Variants in ARHGAP44 observed in about 807,000 individuals in gnomAD.
ARHGAP44 encodes the protein rho GTPase-activating protein 44.
In ARHGAP44, 43 loss-of-function variants were observed where a neutral mutation model predicts 106.8. The observed-to-expected ratio is 0.40, with a 90% CI of 0.32 to 0.52. The LOEUF (loss-of-function observed/expected upper bound fraction) is 0.52. Ranked by LOEUF, ARHGAP44 falls within the 20% of genes least tolerant of loss-of-function variation. The pLI is 0.48. For synonymous variants in ARHGAP44, 439 were observed against 410.3 expected (o/e 1.07, Z -0.85); for missense variants, 866 against 1,050.5 (o/e 0.82, Z 2.43).
rs1242070271 is a variant in ARHGAP44, at chr17:12,896,416, C to T, written c.103C>T (p.Arg35Cys). Reference protein sequence around the residue: ...LSEDLLQVEKRLELVKQVSHS... With the variant: ...LSEDLLQVEKCLELVKQVSHS... ...GCTCTTCTCTCTGCAGGTGGAGAAG[C>T]GTCTGGAGCTGGTGAAACAGGTGTC... The change falls in exon 3 of 21, where the codon CGT becomes TGT. Residue 35 changes from arginine to cysteine, a missense_variant. Physicochemically the swap from Arg to Cys is radical, Grantham distance 180. Coordinates refer to ENST00000379672, the MANE Select transcript of ARHGAP44 (RefSeq NM_014859.6). 2.5e-6 allele frequency: 4 copies of T among 1,599,834 alleles called. No individual in the cohort carries two copies. Among genetic ancestry groups the T allele is most frequent in the East Asian group, 2.3e-5 (1 of 44,166 alleles).
chr17:12,970,227 G>A (rs752677824), intron 16 of ARHGAP44, among the ~76,000 whole-genome samples: 1 of 151,960 alleles, frequency 6.6e-6, no homozygotes, highest in Non-Finnish European at 1.5e-5. Flanking sequence ...TTAGCCAGAT[G>A]TGGTGGCATG....
intron 1 of ARHGAP44, among the ~76,000 whole-genome samples, chr17:12,842,148 T>TA (rs111785464): frequency 0.21 from 29,205 of 142,300 alleles, 3,792 homozygotes; most frequent in African/African-American, 0.37. Context: ...CCACTGGGTT[T>TA]AAAAAAAAAA....
At chr17:12,919,219 T>C (rs951265658) in intron 5 of ARHGAP44, among the ~76,000 whole-genome samples, 3 of 152,128 alleles carry the variant, frequency 2.0e-5, no homozygotes, top group Non-Finnish European at 2.9e-5. Context: ...GATTTCACAA[T>C]GTGTGCATAT....
intron 1 of ARHGAP44, among the ~76,000 whole-genome samples, chr17:12,842,430 A>AG (rs1235806428): frequency 1.1e-4 from 15 of 141,658 alleles, no homozygotes; most frequent in African/African-American, 4.2e-4. Flanking sequence ...AAAAAAAAAA[A>AG]AAAGAAAGAA....
chr17:12,871,113 T>A (rs1008316972), intron 1 of ARHGAP44, among the ~76,000 whole-genome samples: 2 of 152,246 alleles, frequency 1.3e-5, no homozygotes, highest in African/African-American at 4.8e-5. Flanking sequence ...GCTCTAAAAG[T>A]TCAAAAGTCA....
In ARHGAP44 at chr17:12,915,897, C is replaced by A; in HGVS notation, c.276-3C>A. The A allele has an allele frequency of 6.2e-7, 1 of 1,612,832 alleles. No individual in the cohort carries two copies. The highest frequency in any genetic ancestry group is 2.2e-5 in the East Asian group (1 of 44,838). Reference sequence around the variant, plus strand: ...CACTATTTCTTTCCCCCTTGGATTACAGGAAGATGCTGAAACTCTGTGGAG... The same window carrying A: ...CACTATTTCTTTCCCCCTTGGATTAAAGGAAGATGCTGAAACTCTGTGGAG... On this transcript the variant is annotated splice_polypyrimidine_tract_variant and splice_region_variant and intron_variant, in intron 4 of 20. Coordinates refer to ENST00000379672, the MANE Select transcript of ARHGAP44 (RefSeq NM_014859.6).
chr17:12,840,867 C>T (rs2035370272), intron 1 of ARHGAP44, among the ~76,000 whole-genome samples: 1 of 152,114 alleles, frequency 6.6e-6, no homozygotes, highest in Non-Finnish European at 1.5e-5. Context: ...CACTGATGAC[C>T]GCGATGTGAA....
At chr17:12,853,298 C>T (rs1217284760) in intron 1 of ARHGAP44, among the ~76,000 whole-genome samples, 1 of 152,204 alleles carries the variant, frequency 6.6e-6, no homozygotes, top group Non-Finnish European at 1.5e-5. Flanking sequence ...TTAACCATCA[C>T]AGTACTTCAC....
chr17:12,945,133 C>T (rs1388735542), intron 10 of ARHGAP44, among the ~76,000 whole-genome samples: 2 of 151,980 alleles, frequency 1.3e-5, no homozygotes, highest in African/African-American at 4.8e-5. Context: ...GCCTCAGCCT[C>T]AGAGTAGCTG....
rs910042253 is a variant in ARHGAP44, at chr17:12,983,754, C to T, written c.1940-777C>T. On this transcript the variant is annotated intron_variant, in intron 19 of 20. Transcript: ENST00000379672. ...GGGAGGCGGAGGTTGTGGTGAGCGG[C>T]GATCGCGCCATTGCACTCCAGCCTG... is the stretch of plus-strand genomic sequence containing the variant. Among the ~76,000 whole-genome samples the T allele has an allele frequency of 2.2e-4, 34 of 151,192 alleles. 1 individual carries two copies. Among genetic ancestry groups the T allele is most frequent in the East Asian group, 7.9e-4 (4 of 5,072 alleles).
chr17:12,797,376 A>T (rs1288957535), intron 1 of ARHGAP44, among the ~76,000 whole-genome samples: 1 of 152,184 alleles, frequency 6.6e-6, no homozygotes, highest in African/African-American at 2.4e-5. Flanking sequence ...GATTAGTGTA[A>T]TTCATACCCA....
chr17:12,958,999 A>C lies in ARHGAP44; in HGVS notation c.1523+102A>C, dbSNP rs780232412. On this transcript the variant is annotated intron_variant, in intron 16 of 20. Transcript: ENST00000379672. This position sits in a 1 kb window ranked among gnomAD's most constrained non-coding sequence, Gnocchi z 4.1. Reference sequence around the variant, plus strand: ...ATACAATTACGGGAAGGCTGCACTGACTCTCAGCAGTTTAGGTGACTCGTA... The same window carrying C: ...ATACAATTACGGGAAGGCTGCACTGCCTCTCAGCAGTTTAGGTGACTCGTA... 1.1e-5 allele frequency: 15 copies of C among 1,350,814 alleles called. No homozygotes were observed. The highest frequency in any genetic ancestry group is 1.4e-5 in the Non-Finnish European group (14 of 976,580). 83.7% of individuals were successfully genotyped at this position (1,350,814 alleles called of 1,614,324 possible).
chr17:12,973,575 G>A (rs1598145480), intron 17 of ARHGAP44: 2 of 546,900 alleles, frequency 3.7e-6, no homozygotes, highest in East Asian at 6.1e-5. Flanking sequence ...CAGCAGTGGT[G>A]GAGCTGGGGC....
intron 1 of ARHGAP44, among the ~76,000 whole-genome samples, chr17:12,840,894 T>C (rs1002966463): frequency 1.3e-5 from 2 of 152,182 alleles, no homozygotes; most frequent in African/African-American, 4.8e-5. Context: ...ATCCTGTTTG[T>C]GCACAGTGGT....
intron 17 of ARHGAP44, 173 bp from the exon 18 acceptor site, chr17:12,973,916 G>A: frequency 1.4e-6 from 1 of 719,272 alleles, no homozygotes; most frequent in Non-Finnish European, 2.4e-6. Flanking sequence ...TGGCCGCCGG[G>A]AGCAGCCAGG....
At chr17:12,838,064 G>A (rs1421871499) in intron 1 of ARHGAP44, among the ~76,000 whole-genome samples, 1 of 151,848 alleles carries the variant, frequency 6.6e-6, no homozygotes, top group Admixed American at 6.6e-5. Flanking sequence ...GATAACCAGT[G>A]GGTTACTTTA....
In ARHGAP44 at chr17:12,945,011, A is replaced by AT. The variant is rs1034473253; in HGVS notation, c.861+826dup. 3.4e-4 allele frequency among the ~76,000 whole-genome samples: 50 copies of AT among 148,104 alleles called. No homozygotes were observed. In the East Asian group the frequency reaches 5.2e-3, roughly 15 times the overall value. On this transcript the variant is annotated intron_variant, in intron 10 of 20. Transcript: ENST00000379672. ...CACATGTAAAAAATGTCTATGAGAAATTTTTTTTTTTCTTTTTGAGATGGA... is the reference window on the plus strand; with the variant it reads ...CACATGTAAAAAATGTCTATGAGAAATTTTTTTTTTTTCTTTTTGAGATGGA...
intron 13 of ARHGAP44, among the ~76,000 whole-genome samples, chr17:12,954,573 A>G (rs932536870): frequency 3.3e-5 from 5 of 152,198 alleles, no homozygotes; most frequent in African/African-American, 1.2e-4. Context: ...ATGGTAGGAC[A>G]TGAGTCTGCT....
intron 1 of ARHGAP44, among the ~76,000 whole-genome samples, chr17:12,861,790 A>G (rs1415377358): frequency 2.6e-5 from 4 of 151,636 alleles, no homozygotes; most frequent in Non-Finnish European, 5.9e-5. Flanking sequence ...ACCCACCACC[A>G]CGCCTGGCTA....
Sources: allele counts gnomAD v4.1 joint callset (sites outside exome capture counted in the v4.1 genomes callset), GRCh38; gene constraint gnomAD v4.1.1; non-coding constraint Gnocchi (gnomAD v3.1); transcripts MANE v1.5; gene names NCBI Gene and HGNC (gene_info 2026-07-23, HGNC 2026-07-21).